The following DISC1 variants were observed in gnomAD, a reference collection of about 807,000 sequenced individuals.
The protein encoded by DISC1 is DISC1 scaffold protein, also known as disrupted in schizophrenia 1 protein.
In DISC1, 57 loss-of-function variants were observed where a neutral mutation model predicts 84.5. That is an observed-to-expected ratio of 0.67 (90% CI 0.55 to 0.84). The LOEUF (loss-of-function observed/expected upper bound fraction) is 0.84. Ranked by LOEUF, DISC1 falls within the 40% of genes least tolerant of loss-of-function variation. The pLI, the probability that DISC1 is intolerant of heterozygous loss-of-function variation, is 0.00. For synonymous variants in DISC1, 411 were observed against 415.2 expected (o/e 0.99, Z 0.12); for missense variants, 1,000 against 1,057.8 (o/e 0.95, Z 0.76).
chr1:231,654,592 A>T (rs183522187), intron 1 of DISC1, among the ~76,000 whole-genome samples: 6 of 152,298 alleles, frequency 3.9e-5, no homozygotes, highest in Admixed American at 3.9e-4. Context: ...GAAGCTTTGT[A>T]TACTTTGACT....
At chr1:231,930,501 A>C (rs2090593717) in intron 9 of DISC1, among the ~76,000 whole-genome samples, 1 of 152,158 alleles carries the variant, frequency 6.6e-6, no homozygotes. Context: ...TGGCACAGTG[A>C]TGTTAAGTCT....
chr1:231,965,848 G>C (rs866702173), intron 10 of DISC1, among the ~76,000 whole-genome samples: 1 of 152,164 alleles, frequency 6.6e-6, no homozygotes, highest in Non-Finnish European at 1.5e-5. Context: ...AGCCTTTCTG[G>C]CCTCCTGCTA....
intron 9 of DISC1, among the ~76,000 whole-genome samples, chr1:231,899,811 G>A (rs923761018): frequency 1.3e-5 from 2 of 152,044 alleles, no homozygotes. Context: ...TGCTAATATG[G>A]TACAAATAGT....
intron 9 of DISC1, among the ~76,000 whole-genome samples, chr1:231,882,754 G>A (rs2086387248): frequency 6.6e-6 from 1 of 152,076 alleles, no homozygotes; most frequent in Admixed American, 6.5e-5. Flanking sequence ...ACCTGCCCTT[G>A]GAAGTCAGGC....
intron 3 of DISC1, among the ~76,000 whole-genome samples, chr1:231,741,791 G>A (rs2073312686): frequency 6.6e-6 from 1 of 152,210 alleles, no homozygotes; most frequent in African/African-American, 2.4e-5. Flanking sequence ...TCCTCTCACA[G>A]CAACTTTGCT....
intron 1 of DISC1, among the ~76,000 whole-genome samples, chr1:231,637,152 G>A (rs903975185): frequency 6.6e-6 from 1 of 152,150 alleles, no homozygotes; most frequent in Non-Finnish European, 1.5e-5. Context: ...TTTTATGGTT[G>A]CATAGTATTC....
chr1:231,698,244 T>G lies in DISC1; in HGVS notation c.1047+3439T>G, dbSNP rs2065958365. On this transcript the variant is annotated intron_variant, in intron 2 of 12. Transcript: ENST00000439617. The surrounding 1 kb of genome is among the most constrained non-coding windows in gnomAD (Gnocchi z 4.9). ...GGAGCAATGCTTCATTATTCCCTAA[T>G]TCAGTATTCACAGAAACTTTATAGA... Among the ~76,000 whole-genome samples, 1 of 152,220 alleles carries G rather than the reference T, an allele frequency of 6.6e-6. No homozygotes were observed. Among genetic ancestry groups the G allele is most frequent in the Admixed American group, 6.5e-5 (1 of 15,288 alleles).
intron 1 of DISC1, among the ~76,000 whole-genome samples, chr1:231,665,919 G>A (rs553454872): frequency 4.6e-5 from 7 of 152,202 alleles, no homozygotes; most frequent in South Asian, 2.1e-4. Context: ...TTTTCAGAGC[G>A]GCACTTCATC....
chr1:231,939,154 G>A (rs872624), intron 9 of DISC1, among the ~76,000 whole-genome samples: 31,741 of 152,136 alleles, frequency 0.21, 4,055 homozygotes, highest in East Asian at 0.67. Flanking sequence ...CAGCACATAT[G>A]TGTTTTATTG....
intron 9 of DISC1, among the ~76,000 whole-genome samples, chr1:231,825,250 AT>A (rs2081780963): frequency 6.6e-6 from 1 of 152,166 alleles, no homozygotes; most frequent in African/African-American, 2.4e-5. Flanking sequence ...TGGAAATACA[AT>A]GATGTTTTCA....
intron 9 of DISC1, among the ~76,000 whole-genome samples, chr1:231,929,325 T>C (rs146331149): frequency 1.6e-3 from 237 of 152,234 alleles, no homozygotes; most frequent in African/African-American, 5.4e-3. Flanking sequence ...TCATCCTTCC[T>C]CTCCTACTCA....
chr1:231,639,636 A>G (rs772072518), intron 1 of DISC1, among the ~76,000 whole-genome samples: 72 of 152,228 alleles, frequency 4.7e-4, no homozygotes, highest in Non-Finnish European at 7.3e-4. Context: ...AGGGTCCTGC[A>G]TAAGTCCTCT....
In DISC1 at chr1:231,857,339, G is replaced by C. The variant is rs116381195; in HGVS notation, c.1981+38822G>C. On this transcript the variant is annotated intron_variant, in intron 9 of 12. Transcript: ENST00000439617. ...CATTTCGAAGTCATGTGTTGACATGGATAGCCTGTCTAGCACAGGAAAACT... is the reference window on the plus strand; with the variant it reads ...CATTTCGAAGTCATGTGTTGACATGCATAGCCTGTCTAGCACAGGAAAACT... Among the ~76,000 whole-genome samples the C allele has an allele frequency of 4.0e-3, 614 of 152,306 alleles. 4 individuals are homozygous for C. The highest frequency in any genetic ancestry group is 6.8e-3 in the Middle Eastern group (2 of 294).
At chr1:231,814,659 A>C (rs779669116) in intron 8 of DISC1, among the ~76,000 whole-genome samples, 24 of 152,144 alleles carry the variant, frequency 1.6e-4, no homozygotes, top group Admixed American at 1.2e-3. Context: ...AAGAATAAAG[A>C]GTTTTCTGTA....
At chr1:231,823,380 AAGAC>A (rs1053641864) in intron 9 of DISC1, among the ~76,000 whole-genome samples, 9 of 152,206 alleles carry the variant, frequency 5.9e-5, no homozygotes, top group African/African-American at 9.7e-5. Context: ...TTTAAAAACA[AAGAC>A]AGAAGAAAAT....
intron 9 of DISC1, among the ~76,000 whole-genome samples, chr1:231,865,743 T>G (rs1233608837): frequency 6.6e-6 from 1 of 152,146 alleles, no homozygotes; most frequent in Admixed American, 6.5e-5. Flanking sequence ...AAAAAGAAAA[T>G]GAACAGAAAC....
chr1:231,767,218 C>T lies in DISC1; in HGVS notation c.1347C>T (p.His449=), dbSNP rs116628628. 2.6e-4 allele frequency: 416 copies of T among 1,614,190 alleles called. No individual in the cohort carries two copies. In the African/African-American group the frequency reaches 4.8e-3, roughly 18 times the overall value. The change falls in exon 5 of 13, where the codon CAC becomes CAT. Residue 449 remains histidine, a synonymous_variant. Transcript: ENST00000439617. ...AACCCACTGCTCAGGACAGCTTGCA[C>T]GTGTCCATCACGAGACGAGACTGGC... ...LLEPTAQDSL[H]VSITRRDWLL...
chr1:231,678,758 C>G (rs1238450061), intron 1 of DISC1, among the ~76,000 whole-genome samples: 6 of 152,170 alleles, frequency 3.9e-5, no homozygotes, highest in African/African-American at 9.7e-5. Flanking sequence ...TTCCGCCTCC[C>G]GAGTTCAAGC....
chr1:231,680,148 A>G (rs1017794285), intron 1 of DISC1, among the ~76,000 whole-genome samples: 1 of 152,200 alleles, frequency 6.6e-6, no homozygotes, highest in Non-Finnish European at 1.5e-5. Context: ...GAATTGCTTG[A>G]ACACAGGGGG....
Sources: gnomAD v4.1 joint callset for allele counts (sites outside exome capture counted in the v4.1 genomes callset) on GRCh38, gnomAD v4.1.1 for gene constraint, Gnocchi (gnomAD v3.1) non-coding constraint, MANE v1.5 for transcripts, NCBI Gene and HGNC (gene_info 2026-07-23, HGNC 2026-07-21) for gene names.